L3MBTL4: variants seen among roughly 807,000 people sequenced by gnomAD.
L3MBTL4 encodes the protein lethal(3)malignant brain tumor-like protein 4.
A neutral mutation model predicts 84.5 loss-of-function variants in L3MBTL4; 70 were observed. The observed-to-expected ratio is 0.83, with a 90% CI of 0.68 to 1.01. L3MBTL4 has a LOEUF of 1.01. L3MBTL4 is among the 50% of genes least tolerant of loss of function. The pLI is 0.00. For synonymous variants in L3MBTL4, 274 were observed against 259.8 expected (o/e 1.05, Z -0.52); for missense variants, 715 against 754.8 (o/e 0.95, Z 0.62).
intron 16 of L3MBTL4, among the ~76,000 whole-genome samples, chr18:5,987,405 A>G (rs1478906572): frequency 6.6e-6 from 1 of 152,290 alleles, no homozygotes; most frequent in Non-Finnish European, 1.5e-5. Flanking sequence ...GAAGCCCAGC[A>G]GTGTGGGAAT....
At chr18:6,149,204 C>A (rs111857276) in intron 13 of L3MBTL4, among the ~76,000 whole-genome samples, 10 of 119,434 alleles carry the variant, frequency 8.4e-5, no homozygotes, top group Non-Finnish European at 1.5e-4. Context: ...CCCCCTCCCC[C>A]CACCCCACAA....
intron 1 of L3MBTL4, among the ~76,000 whole-genome samples, chr18:6,373,862 C>T (rs1452154873): frequency 6.6e-6 from 1 of 151,572 alleles, no homozygotes; most frequent in African/African-American, 2.4e-5. Flanking sequence ...ACAGATTACT[C>T]AAAGGAAAAA....
chr18:6,068,588 T>C (rs1207331824), intron 16 of L3MBTL4, among the ~76,000 whole-genome samples: 1 of 152,182 alleles, frequency 6.6e-6, no homozygotes, highest in East Asian at 1.9e-4. Context: ...AAGCCTGAAT[T>C]TGAGAAGTGC....
chr18:6,290,154 G>A (rs1391349917), intron 4 of L3MBTL4, among the ~76,000 whole-genome samples: 2 of 152,092 alleles, frequency 1.3e-5, no homozygotes, highest in Non-Finnish European at 2.9e-5. Flanking sequence ...GGGCTCAAAC[G>A]ATCCTACCAC....
At chr18:6,146,287 C>G (rs1852509316) in intron 13 of L3MBTL4, among the ~76,000 whole-genome samples, 1 of 152,216 alleles carries the variant, frequency 6.6e-6, no homozygotes, top group African/African-American at 2.4e-5. Context: ...AGGCAGCATC[C>G]ACACCGCTAT....
chr18:6,109,380 T>C (rs1247964152), intron 14 of L3MBTL4, among the ~76,000 whole-genome samples: 2 of 152,190 alleles, frequency 1.3e-5, no homozygotes, highest in African/African-American at 4.8e-5. Context: ...ATAACCATTG[T>C]TATGAGGCTT....
intron 1 of L3MBTL4, among the ~76,000 whole-genome samples, chr18:6,348,142 T>G (rs1487745034): frequency 6.6e-6 from 1 of 151,508 alleles, no homozygotes; most frequent in Non-Finnish European, 1.5e-5. Context: ...AGAAAAAATT[T>G]TAAACACCAA....
chr18:6,239,914 G>A (rs1568365172), intron 8 of L3MBTL4, 42 bp from the exon 9 acceptor site: 1 of 1,609,754 alleles, frequency 6.2e-7, no homozygotes, highest in Non-Finnish European at 8.5e-7. Flanking sequence ...AAAAGAAACA[G>A]GACACCAAAT....
At chr18:6,274,777 G>A (rs933014418) in intron 4 of L3MBTL4, among the ~76,000 whole-genome samples, 9 of 152,166 alleles carry the variant, frequency 5.9e-5, no homozygotes, top group East Asian at 1.9e-4. Flanking sequence ...CATGGCGCAC[G>A]CAGGCATGAT....
intron 16 of L3MBTL4, chr18:6,030,753 A>T (rs954364735): frequency 1.1e-5 from 11 of 980,468 alleles, no homozygotes; most frequent in Non-Finnish European, 1.3e-5. Flanking sequence ...CTATTTCGTT[A>T]ATTTTCTAAG....
intron 10 of L3MBTL4, among the ~76,000 whole-genome samples, chr18:6,233,806 G>A (rs563984540): frequency 5.1e-4 from 78 of 152,152 alleles, no homozygotes; most frequent in African/African-American, 1.8e-3. Context: ...CACAGAATTG[G>A]GAAAAACTAC....
intron 14 of L3MBTL4, among the ~76,000 whole-genome samples, chr18:6,116,011 G>A (rs2059347874): frequency 6.6e-6 from 1 of 152,184 alleles, no homozygotes; most frequent in African/African-American, 2.4e-5. Context: ...CAGCATCTTG[G>A]GAGTGGGTCA....
At chr18:6,179,125 G>A (rs146165465) in intron 12 of L3MBTL4, among the ~76,000 whole-genome samples, 2 of 152,168 alleles carry the variant, frequency 1.3e-5, no homozygotes, top group Non-Finnish European at 2.9e-5. Context: ...ATTAGCCTAA[G>A]TGACTATTAC....
intron 18 of L3MBTL4, among the ~76,000 whole-genome samples, chr18:5,958,181 G>A (rs1321416615): frequency 6.0e-5 from 9 of 151,176 alleles, no homozygotes; most frequent in African/African-American, 1.2e-4. Context: ...AGAAGACGAC[G>A]AAGAAGAAGA....
intron 1 of L3MBTL4, among the ~76,000 whole-genome samples, chr18:6,343,452 A>G (rs1262694445): frequency 6.6e-6 from 1 of 152,154 alleles, no homozygotes; most frequent in Non-Finnish European, 1.5e-5. Context: ...TCACAAGATC[A>G]GGAGATTGAG....
At chr18:6,067,519 G>A (rs1965941967) in intron 16 of L3MBTL4, among the ~76,000 whole-genome samples, 1 of 151,722 alleles carries the variant, frequency 6.6e-6, no homozygotes, top group African/African-American at 2.4e-5. Flanking sequence ...CTTCATCTTT[G>A]ACTGGGTTAA....
intron 3 of L3MBTL4, among the ~76,000 whole-genome samples, chr18:6,310,110 T>C (rs1349079927): frequency 1.3e-5 from 2 of 152,216 alleles, no homozygotes; most frequent in Admixed American, 1.3e-4. Context: ...AGGGACCACA[T>C]GTGGAGAAGT....
At chr18:6,344,059 T>C (rs1166340218) in intron 1 of L3MBTL4, among the ~76,000 whole-genome samples, 1 of 124,150 alleles carries the variant, frequency 8.1e-6, no homozygotes, top group African/African-American at 3.1e-5. Context: ...AGAACAAAAA[T>C]AAATAAAATA....
chr18:6,341,995 T>C (rs537921613), intron 1 of L3MBTL4, among the ~76,000 whole-genome samples: 1 of 152,244 alleles, frequency 6.6e-6, no homozygotes, highest in East Asian at 1.9e-4. Flanking sequence ...ATATTCAAAG[T>C]GCTGAAAGAA....
Sources: allele counts gnomAD v4.1 joint callset (sites outside exome capture counted in the v4.1 genomes callset), GRCh38; gene constraint gnomAD v4.1.1; transcripts MANE v1.5; gene names NCBI Gene and HGNC (gene_info 2026-07-23, HGNC 2026-07-21).